PLCB4: variants seen among roughly 807,000 people sequenced by gnomAD.
PLCB4 encodes the protein 1-phosphatidylinositol 4,5-bisphosphate phosphodiesterase beta-4.
PLCB4 carries 77 observed loss-of-function variants against 178.8 expected under a neutral mutation model. The ratio of observed to expected loss-of-function variants is 0.43; its 90% CI spans 0.36 to 0.52. The LOEUF (loss-of-function observed/expected upper bound fraction) is 0.52. PLCB4 is among the 20% of genes least tolerant of loss of function. The pLI is 0.00. For missense variants in PLCB4, 1,024 were observed against 1,453.4 expected (o/e 0.70, Z 4.80); for synonymous variants, 496 against 490.8 (o/e 1.01, Z -0.14).
intron 1 of PLCB4, among the ~76,000 whole-genome samples, chr20:9,090,651 T>C (rs1351591684): frequency 6.6e-6 from 1 of 152,116 alleles, no homozygotes; most frequent in African/African-American, 2.4e-5. Context: ...TTTAAGCTAA[T>C]ATACTCCAGT....
chr20:9,232,389 TGATTAAA>T, intron 3 of PLCB4, among the ~76,000 whole-genome samples: 1 of 152,160 alleles, frequency 6.6e-6, no homozygotes, highest in Non-Finnish European at 1.5e-5. Context: ...AACATGGGTT[TGATTAAA>T]GATTAAAGCT....
At chr20:9,157,166 A>G (rs2092806193) in intron 2 of PLCB4, among the ~76,000 whole-genome samples, 1 of 151,934 alleles carries the variant, frequency 6.6e-6, no homozygotes, top group Admixed American at 6.6e-5. Context: ...ACATTAAGCT[A>G]CATGAACAAA....
intron 2 of PLCB4, among the ~76,000 whole-genome samples, chr20:9,184,988 T>G (rs2147108560): frequency 6.6e-6 from 1 of 152,312 alleles, no homozygotes. Context: ...AGTGGCACAA[T>G]CATAGCCCAC....
At chr20:9,332,444 A>T (rs1296499606) in intron 4 of PLCB4, among the ~76,000 whole-genome samples, 1 of 151,680 alleles carries the variant, frequency 6.6e-6, no homozygotes, top group Non-Finnish European at 1.5e-5. Flanking sequence ...AGTTCCTTTC[A>T]GCTGATTACC....
intron 3 of PLCB4, among the ~76,000 whole-genome samples, chr20:9,264,650 G>T (rs2094331089): frequency 6.6e-6 from 1 of 152,106 alleles, no homozygotes; most frequent in Non-Finnish European, 1.5e-5. Flanking sequence ...GTTTCATTTT[G>T]TCTGGAAATG....
chr20:9,366,571 C>T (rs899205641), intron 9 of PLCB4, among the ~76,000 whole-genome samples: 17 of 152,184 alleles, frequency 1.1e-4, no homozygotes, highest in African/African-American at 3.9e-4. Flanking sequence ...TTAGGGTTTA[C>T]ACATGGTCTC....
At chr20:9,240,764 C>G (rs1301152583) in intron 3 of PLCB4, among the ~76,000 whole-genome samples, 2 of 152,008 alleles carry the variant, frequency 1.3e-5, no homozygotes, top group Non-Finnish European at 2.9e-5. Context: ...TGTCAGTTCT[C>G]TTTGTTATTC....
intron 25 of PLCB4, among the ~76,000 whole-genome samples, chr20:9,417,392 C>A (rs1175315521): frequency 6.6e-6 from 1 of 152,040 alleles, no homozygotes; most frequent in Non-Finnish European, 1.5e-5. Context: ...GAATTTTAAT[C>A]TACCCTCTGT....
Position 9,128,643 on chromosome 20 carries a change from CTCCTAAAGTGCTGGGA to C in PLCB4, c.-79+32303_-79+32318del, listed in dbSNP as rs1431436023. On this transcript the variant is annotated intron_variant, in intron 2 of 39. Coordinates refer to ENST00000378473, the MANE Select transcript of PLCB4 (RefSeq NM_001377142.1). ...CAAGTGATCCACCCACTGCCTTGGCCTCCTAAAGTGCTGGGATTACAGGCATGAGCCACCGCACCCA... is the reference window on the plus strand; with the variant it reads ...CAAGTGATCCACCCACTGCCTTGGCCTTACAGGCATGAGCCACCGCACCCA... Among the ~76,000 whole-genome samples the C allele has an allele frequency of 2.0e-5, 3 of 152,292 alleles. 1 individual carries two copies. The highest frequency in any genetic ancestry group is 2.0e-4 in the Admixed American group (3 of 15,298).
At chr20:9,104,720 C>CT (rs1171677914) in intron 2 of PLCB4, among the ~76,000 whole-genome samples, 1 of 152,020 alleles carries the variant, frequency 6.6e-6, no homozygotes, top group Non-Finnish European at 1.5e-5. Context: ...TTTGATTATA[C>CT]TTTTTTTCTC....
chr20:9,173,186 GT>G (rs1320488804), intron 2 of PLCB4, among the ~76,000 whole-genome samples: 3 of 152,168 alleles, frequency 2.0e-5, no homozygotes, highest in East Asian at 1.9e-4. Context: ...GCATTGCATT[GT>G]TTTATCCATC....
intron 32 of PLCB4, among the ~76,000 whole-genome samples, chr20:9,451,312 C>T (rs1268392389): frequency 6.6e-6 from 1 of 152,124 alleles, no homozygotes; most frequent in Non-Finnish European, 1.5e-5. Context: ...ACATCCAAGC[C>T]TCAAAGTCTC....
At chr20:9,349,653 C>T (rs1181593640) in intron 7 of PLCB4, among the ~76,000 whole-genome samples, 1 of 152,080 alleles carries the variant, frequency 6.6e-6, no homozygotes, top group Non-Finnish European at 1.5e-5. Flanking sequence ...GACTGTAGAC[C>T]CAGCCCAGAG....
rs148419603 is a variant in PLCB4, at chr20:9,221,254, G to A, written c.-16+3802G>A. On this transcript the variant is annotated intron_variant, in intron 3 of 39. Transcript: ENST00000378473. ...TCCCTAGAGTCTGTTCCACATCAAG[G>A]CAATGGAGCTGGGCTTTTCCACTCC... Among the ~76,000 whole-genome samples the A allele has an allele frequency of 7.1e-3, 1,076 of 152,246 alleles. 16 individuals carry two copies. Among genetic ancestry groups the A allele is most frequent in the African/African-American group, 0.025 (1,035 of 41,536 alleles).
chr20:9,424,376 A>G (rs564922002), intron 28 of PLCB4, among the ~76,000 whole-genome samples: 1 of 152,350 alleles, frequency 6.6e-6, no homozygotes, highest in African/African-American at 2.4e-5. Flanking sequence ...TCCACAAGAA[A>G]GTTCAATTTC....
chr20:9,232,685 C>A (rs1365896509), intron 3 of PLCB4, among the ~76,000 whole-genome samples: 1 of 152,026 alleles, frequency 6.6e-6, no homozygotes, highest in African/African-American at 2.4e-5. Context: ...GACTAAAGAT[C>A]AGGTTTATGG....
At chr20:9,155,565 C>T (rs538743268) in intron 2 of PLCB4, among the ~76,000 whole-genome samples, 2 of 152,206 alleles carry the variant, frequency 1.3e-5, no homozygotes, top group South Asian at 4.2e-4. Context: ...CCTTTTCTTT[C>T]TCTGTTTCCA....
chr20:9,231,232 T>C (rs2093928297), intron 3 of PLCB4, among the ~76,000 whole-genome samples: 1 of 152,166 alleles, frequency 6.6e-6, no homozygotes, highest in African/African-American at 2.4e-5. Context: ...GATAGTTCCC[T>C]TTTCTTCCCA....
At chr20:9,188,073 A>G (rs1238370237) in intron 2 of PLCB4, among the ~76,000 whole-genome samples, 2 of 152,242 alleles carry the variant, frequency 1.3e-5, no homozygotes, top group Non-Finnish European at 2.9e-5. Context: ...TGCCAGGTAT[A>G]TAATATGAAT....
Sources: gnomAD v4.1 joint callset for allele counts (sites outside exome capture counted in the v4.1 genomes callset) on GRCh38, gnomAD v4.1.1 for gene constraint, MANE v1.5 for transcripts, NCBI Gene and HGNC (gene_info 2026-07-23, HGNC 2026-07-21) for gene names.